The following MAP4K3 variants were observed in gnomAD, a reference collection of about 807,000 sequenced individuals.
The protein encoded by MAP4K3 is mitogen-activated protein kinase kinase kinase kinase 3.
MAP4K3 carries 94 observed loss-of-function variants against 143.5 expected under a neutral mutation model. The ratio of observed to expected loss-of-function variants is 0.65; its 90% CI spans 0.55 to 0.78. MAP4K3 has a LOEUF of 0.78. Among genes scored for constraint, MAP4K3 ranks in the 30% least tolerant of loss-of-function variants. The pLI is 0.00. For synonymous variants in MAP4K3, 416 were observed against 347.2 expected (o/e 1.20, Z -2.20); for missense variants, 1,077 against 1,068.1 (o/e 1.01, Z -0.12).
At chr2:39,344,982 T>C (rs921662867) in intron 3 of MAP4K3, among the ~76,000 whole-genome samples, 4 of 152,204 alleles carry the variant, frequency 2.6e-5, no homozygotes. Context: ...TACCTTCCTG[T>C]AGATAATCTC....
intron 1 of MAP4K3, among the ~76,000 whole-genome samples, chr2:39,412,022 C>A (rs918359992): frequency 6.6e-6 from 1 of 152,190 alleles, no homozygotes; most frequent in Non-Finnish European, 1.5e-5. Flanking sequence ...TTCAGTAGTA[C>A]ACTAACTCTG....
intron 15 of MAP4K3, among the ~76,000 whole-genome samples, chr2:39,300,203 C>T (rs920369832): frequency 7.2e-5 from 11 of 152,072 alleles, no homozygotes; most frequent in East Asian, 1.9e-4. Flanking sequence ...AAAATAATTA[C>T]GTATATAAAC....
chr2:39,324,519 C>T (rs903408171), intron 12 of MAP4K3, among the ~76,000 whole-genome samples: 2 of 152,122 alleles, frequency 1.3e-5, no homozygotes, highest in African/African-American at 4.8e-5. Flanking sequence ...GACCCTTAAA[C>T]AAAAGGACAA....
chr2:39,360,152 C>T (rs1331566610), intron 2 of MAP4K3, among the ~76,000 whole-genome samples: 2 of 152,192 alleles, frequency 1.3e-5, no homozygotes, highest in Non-Finnish European at 2.9e-5. Flanking sequence ...ATTTCTTCCA[C>T]CAGATACCCT....
chr2:39,254,322 T>C (rs1680262846), intron 32 of MAP4K3, 128 bp downstream of exon 32: 4 of 688,114 alleles, frequency 5.8e-6, no homozygotes, highest in South Asian at 3.9e-5. Flanking sequence ...ACTTTATCAA[T>C]AGACTAAATA....
chr2:39,267,377 A>T, intron 26 of MAP4K3, 130 bp from the exon 27 acceptor site: 1 of 705,868 alleles, frequency 1.4e-6, no homozygotes, highest in Non-Finnish European at 2.4e-6. Context: ...ATCTATTAAA[A>T]TTAGAATAAA....
intron 13 of MAP4K3, among the ~76,000 whole-genome samples, chr2:39,311,439 A>C (rs1472133115): frequency 6.6e-6 from 1 of 152,192 alleles, no homozygotes; most frequent in African/African-American, 2.4e-5. Flanking sequence ...GTACTTGTGG[A>C]AGCCAGCCTG....
chr2:39,323,943 AATT>A (rs1420786665), intron 12 of MAP4K3: 3 of 152,248 alleles, frequency 2.0e-5, no homozygotes, highest in African/African-American at 7.2e-5. Flanking sequence ...GTCATGAAAC[AATT>A]ATAATTTTTC....
At chr2:39,285,123 C>G (rs146020092) in intron 21 of MAP4K3, among the ~76,000 whole-genome samples, 1 of 152,132 alleles carries the variant, frequency 6.6e-6, no homozygotes, top group East Asian at 2.0e-4. Flanking sequence ...AACTTCTGCT[C>G]TCAAGTGATC....
chr2:39,374,441 G>A (rs1473154239), intron 2 of MAP4K3, among the ~76,000 whole-genome samples: 1 of 152,088 alleles, frequency 6.6e-6, no homozygotes, highest in East Asian at 1.9e-4. Context: ...CAGCACTTTG[G>A]GAGGCAGAGG....
intron 1 of MAP4K3, among the ~76,000 whole-genome samples, chr2:39,431,777 G>A (rs1665297551): frequency 6.6e-6 from 1 of 152,020 alleles, no homozygotes; most frequent in South Asian, 2.1e-4. Flanking sequence ...ACACTTTTTT[G>A]TGTCAGGTAC....
At chr2:39,354,163 G>A (rs1430459485) in intron 3 of MAP4K3, among the ~76,000 whole-genome samples, 1 of 152,056 alleles carries the variant, frequency 6.6e-6, no homozygotes, top group African/African-American at 2.4e-5. Context: ...ACAAAAAAAG[G>A]CCAGGCACAG....
At position 39,342,425 on chromosome 2, in the gene MAP4K3, C is replaced by T. The variant is rs113413310; in HGVS notation, c.310+963G>A. 1.7e-3 allele frequency among the ~76,000 whole-genome samples: 265 copies of T among 152,188 alleles called. 3 individuals carry two copies. The highest frequency in any genetic ancestry group is 4.8e-3 in the African/African-American group (198 of 41,524). ...GATTACAGGCATGAGCCACTGCACC[C>T]GGCCCTTCATCATCCTTTTTCTACC... On this transcript the variant is annotated intron_variant, in intron 4 of 33. Transcript: ENST00000263881.
chr2:39,324,167 G>C (rs2148514101), intron 12 of MAP4K3, among the ~76,000 whole-genome samples: 1 of 152,264 alleles, frequency 6.6e-6, no homozygotes, highest in African/African-American at 2.4e-5. Flanking sequence ...CCCAGCATTT[G>C]GGAGGCCGAG....
intron 1 of MAP4K3, among the ~76,000 whole-genome samples, chr2:39,432,488 CTAT>C (rs1420116553): frequency 6.6e-6 from 1 of 152,180 alleles, no homozygotes; most frequent in Non-Finnish European, 1.5e-5. Context: ...TCTCTAGAGT[CTAT>C]TAGAGTCTAT....
intron 1 of MAP4K3, among the ~76,000 whole-genome samples, chr2:39,394,858 C>T (rs187009649): frequency 8.5e-5 from 13 of 152,168 alleles, no homozygotes; most frequent in African/African-American, 3.1e-4. Context: ...AGTGCTATAT[C>T]CTCCTCCCAA....
intron 1 of MAP4K3, among the ~76,000 whole-genome samples, chr2:39,383,403 C>T (rs553481346): frequency 1.1e-4 from 7 of 66,418 alleles, no homozygotes; most frequent in African/African-American, 2.8e-4. Flanking sequence ...CGGTAATCAC[C>T]GCCATGATTC....
At chr2:39,359,245 T>C (rs1665697558) in intron 2 of MAP4K3, among the ~76,000 whole-genome samples, 1 of 151,788 alleles carries the variant, frequency 6.6e-6, no homozygotes, top group African/African-American at 2.4e-5. Context: ...AGTCATTAAA[T>C]CTTAAAGTTT....
chr2:39,350,305 C>T (rs1665416144), intron 3 of MAP4K3, among the ~76,000 whole-genome samples: 1 of 152,132 alleles, frequency 6.6e-6, no homozygotes, highest in African/African-American at 2.4e-5. Context: ...CTGAGTTTAG[C>T]TAATAGTATC....
Sources: allele counts gnomAD v4.1 joint callset (sites outside exome capture counted in the v4.1 genomes callset), GRCh38; gene constraint gnomAD v4.1.1; transcripts MANE v1.5; gene names NCBI Gene and HGNC (gene_info 2026-07-23, HGNC 2026-07-21).